ABAT: variants seen among roughly 807,000 people sequenced by gnomAD.
The protein encoded by ABAT is 4-aminobutyrate aminotransferase, mitochondrial.
Under a neutral mutation model 64.6 loss-of-function variants are expected in ABAT, and 45 were observed. The observed-to-expected ratio is 0.70, with a 90% confidence interval of 0.55 to 0.89. The LOEUF (loss-of-function observed/expected upper bound fraction) is 0.89. Ranked by LOEUF, ABAT falls within the 40% of genes least tolerant of loss-of-function variation. ABAT has a pLI of 0.00. For missense variants in ABAT, 633 were observed against 658.4 expected (o/e 0.96, Z 0.42); for synonymous variants, 297 against 250.5 (o/e 1.19, Z -1.75).
intron 2 of ABAT, among the ~76,000 whole-genome samples, chr16:8,743,600 T>G (rs868092164): frequency 1.1e-3 from 152 of 143,174 alleles, no homozygotes; most frequent in Middle Eastern, 7.4e-3. Context: ...AGTTGTAATA[T>G]ATAATATATA....
intron 1 of ABAT, chr16:8,713,321 A>T (rs2058121029): frequency 6.6e-6 from 1 of 152,192 alleles, no homozygotes; most frequent in Non-Finnish European, 1.5e-5. Context: ...CCCTGGAAGG[A>T]AAAAGGGGAG....
intron 5 of ABAT, among the ~76,000 whole-genome samples, chr16:8,754,617 C>T (rs1180860290): frequency 6.6e-6 from 1 of 152,098 alleles, no homozygotes; most frequent in Admixed American, 6.6e-5. Flanking sequence ...CTCGTTTCTC[C>T]TTGATCTCAT....
Position 8,764,860 on chromosome 16 carries a change from C to G in ABAT, c.540+30C>G. The G allele has an allele frequency of 6.4e-7, 1 of 1,573,398 alleles. No individual in the cohort carries two copies. Among genetic ancestry groups the G allele is most frequent in the South Asian group, 1.1e-5 (1 of 90,184 alleles). On this transcript the variant is annotated intron_variant, in intron 8 of 15. Coordinates refer to ENST00000268251, the MANE Select transcript of ABAT (RefSeq NM_020686.6). The surrounding 1 kb of genome is among the most constrained non-coding windows in gnomAD (Gnocchi z 4.2). ...GGTTTGGGGCACACACACACACACA[C>G]ACACAGGCTCCCCAGCACCCAGCCA...
intron 11 of ABAT, 101 bp from the exon 12 acceptor site, chr16:8,772,679 C>A: frequency 1.3e-6 from 2 of 1,499,886 alleles, no homozygotes; most frequent in Non-Finnish European, 1.9e-6. Context: ...AAACACATTT[C>A]CAATAAAATT....
chr16:8,699,985 T>C (rs2057784082), intron 1 of ABAT, among the ~76,000 whole-genome samples: 1 of 132,846 alleles, frequency 7.5e-6, no homozygotes, highest in Non-Finnish European at 1.5e-5. Context: ...ATTTTTGTAT[T>C]TTTTTTTGTA....
intron 1 of ABAT, chr16:8,705,374 C>T (rs920925807): frequency 1.3e-5 from 2 of 152,154 alleles, no homozygotes; most frequent in Admixed American, 1.3e-4. Flanking sequence ...ATCCAGTCAC[C>T]TCCCACCAGA....
At chr16:8,741,773 G>T (rs555145973) in intron 2 of ABAT, among the ~76,000 whole-genome samples, 1 of 152,296 alleles carries the variant, frequency 6.6e-6, no homozygotes, top group East Asian at 1.9e-4. Context: ...AGGAAAAGCA[G>T]AAGTATTGGG....
chr16:8,774,324 A>C (rs1205431925), intron 12 of ABAT, among the ~76,000 whole-genome samples: 1 of 152,146 alleles, frequency 6.6e-6, no homozygotes, highest in African/African-American at 2.4e-5. Flanking sequence ...GTGCTGCAAT[A>C]AACATGGGAG....
chr16:8,773,939 CT>C (rs539234520), intron 12 of ABAT, among the ~76,000 whole-genome samples: 1 of 151,034 alleles, frequency 6.6e-6, no homozygotes. Flanking sequence ...TTTTCTTTTT[CT>C]TTTTTTTTGA....
At chr16:8,718,900 T>G (rs1243742075) in intron 1 of ABAT, among the ~76,000 whole-genome samples, 2 of 152,230 alleles carry the variant, frequency 1.3e-5, no homozygotes, top group Non-Finnish European at 2.9e-5. Flanking sequence ...GCACACAGCG[T>G]GACTCCAGCC....
rs185472848 is a variant in ABAT, at chr16:8,676,469, G to A, written c.-42+1758G>A. Among the ~76,000 whole-genome samples, 22 of 152,200 alleles carry A rather than the reference G, an allele frequency of 1.4e-4. 1 individual carries two copies. In the East Asian group the frequency reaches 3.7e-3, roughly 26 times the overall value. ...CCCACTTGTCAGAGGAAGCGCCAAG[G>A]CTCTGCAAAGGTCATGAAGCCAGGA... On this transcript the variant is annotated intron_variant, in intron 1 of 15. Transcript: ENST00000268251.
intron 1 of ABAT, among the ~76,000 whole-genome samples, chr16:8,729,875 G>C (rs1286310938): frequency 6.7e-6 from 1 of 149,400 alleles, no homozygotes; most frequent in Non-Finnish European, 1.5e-5. Flanking sequence ...GATCATCTCA[G>C]TGGGTAGAGA....
chr16:8,733,074 G>A (rs2058792226), intron 1 of ABAT, among the ~76,000 whole-genome samples: 1 of 146,720 alleles, frequency 6.8e-6, no homozygotes, highest in Non-Finnish European at 1.5e-5. Context: ...CGGGCGGGGG[G>A]CTGACCCCCC....
intron 1 of ABAT, among the ~76,000 whole-genome samples, chr16:8,731,834 CTTT>C (rs537867620): frequency 0.014 from 2,192 of 152,120 alleles, 58 homozygotes; most frequent in African/African-American, 0.05. Context: ...TCGGCAACCT[CTTT>C]TTCCTCTTTT....
intron 15 of ABAT, chr16:8,780,285 T>C (rs926641073): frequency 1.2e-5 from 2 of 165,014 alleles, no homozygotes; most frequent in Non-Finnish European, 2.7e-5. Context: ...CTAGGAGCTG[T>C]GGGAAGCCAC....
At chr16:8,723,879 C>T (rs546397354) in intron 1 of ABAT, among the ~76,000 whole-genome samples, 59 of 121,378 alleles carry the variant, frequency 4.9e-4, no homozygotes, top group African/African-American at 1.9e-3. Context: ...CTTGCTCTGT[C>T]GCCCAGGCTG....
intron 1 of ABAT, among the ~76,000 whole-genome samples, chr16:8,706,404 C>CAAAAAA (rs56329419): frequency 2.1e-5 from 2 of 95,040 alleles, no homozygotes; most frequent in Non-Finnish European, 3.8e-5. Flanking sequence ...GACCCTGTTT[C>CAAAAAA]AAAAAAAAAA....
chr16:8,776,220 C>G lies in ABAT; in HGVS notation c.1123-124C>G. 7.4e-7 allele frequency: 1 copy of G among 1,360,318 alleles called. No homozygotes were observed. The highest frequency in any genetic ancestry group is 1.0e-6 in the Non-Finnish European group (1 of 965,456). The allele number at this position is 1,360,318 out of a possible 1,614,324, so 84.3% of individuals were successfully genotyped here. A position where few individuals can be genotyped will look rare whatever the true frequency, so the allele number is the denominator to read the frequency against. ...ATTGGGTGTGTTCCCCTGCCAGCCT[C>G]TGGTAGATGCCCACTAGATTAGTTT... On this transcript the variant is annotated intron_variant, in intron 13 of 15. Coordinates refer to ENST00000268251, the MANE Select transcript of ABAT (RefSeq NM_020686.6). The surrounding 1 kb of genome is among the most constrained non-coding windows in gnomAD (Gnocchi z 4.4).
intron 1 of ABAT, among the ~76,000 whole-genome samples, chr16:8,732,949 C>A (rs1485865074): frequency 2.0e-5 from 3 of 149,324 alleles, no homozygotes; most frequent in Non-Finnish European, 3.0e-5. Flanking sequence ...ACCTCCCTCC[C>A]GGACGGGGCG....
Sources: allele counts gnomAD v4.1 joint callset (sites outside exome capture counted in the v4.1 genomes callset), GRCh38; gene constraint gnomAD v4.1.1; non-coding constraint Gnocchi (gnomAD v3.1); transcripts MANE v1.5; gene names NCBI Gene and HGNC (gene_info 2026-07-23, HGNC 2026-07-21).